The following DAB1 variants were observed in gnomAD, a reference collection of about 807,000 sequenced individuals.
DAB1 encodes disabled homolog 1.
In DAB1, 15 loss-of-function variants were observed where a neutral mutation model predicts 64.6. That is an observed-to-expected ratio of 0.23 (90% confidence interval 0.16 to 0.36). The LOEUF is 0.36. Among genes scored for constraint, DAB1 ranks in the 10% least tolerant of loss-of-function variants. The probability of loss-of-function intolerance (pLI) is 1.00; values close to 1 mark genes in which losing one functional copy is unlikely to be tolerated. For synonymous variants in DAB1, 235 were observed against 251.9 expected (o/e 0.93, Z 0.64); for missense variants, 596 against 706.7 (o/e 0.84, Z 1.78).
intron 5 of DAB1, among the ~76,000 whole-genome samples, chr1:58,046,338 G>T (rs1647254193): frequency 6.6e-6 from 1 of 152,166 alleles, no homozygotes; most frequent in Non-Finnish European, 1.5e-5. Flanking sequence ...TGAGGCAAAG[G>T]ACATCACGGC....
chr1:58,127,955 T>G (rs1653244031), intron 5 of DAB1, among the ~76,000 whole-genome samples: 1 of 152,124 alleles, frequency 6.6e-6, no homozygotes, highest in Admixed American at 6.5e-5. Flanking sequence ...CTTTTTTGGT[T>G]CCATATGAAC....
chr1:57,897,411 GA>G (rs148681366), intron 5 of DAB1, among the ~76,000 whole-genome samples: 3 of 151,182 alleles, frequency 2.0e-5, no homozygotes, highest in Non-Finnish European at 3.0e-5. Flanking sequence ...TTTCATTGTG[GA>G]AAAAAAAATC....
chr1:58,307,008 C>T (rs1281463308), intron 4 of DAB1, among the ~76,000 whole-genome samples: 1 of 152,216 alleles, frequency 6.6e-6, no homozygotes, highest in African/African-American at 2.4e-5. Flanking sequence ...ACTCCAATGA[C>T]TTTCCCAAGG....
intron 4 of DAB1, among the ~76,000 whole-genome samples, chr1:58,264,614 GACATCAAGC>G (rs1661120719): frequency 6.6e-6 from 1 of 152,182 alleles, no homozygotes; most frequent in South Asian, 2.1e-4. Flanking sequence ...GACTTCCAAG[GACATCAAGC>G]TTGCCTACAT....
chr1:57,105,599 T>G (rs1351119107), intron 4 of DAB1, among the ~76,000 whole-genome samples: 1 of 152,200 alleles, frequency 6.6e-6, no homozygotes, highest in Admixed American at 6.5e-5. Context: ...TCACACATTT[T>G]AATACCCCAC....
At chr1:58,516,551 T>C (rs1213109338) in intron 2 of DAB1, among the ~76,000 whole-genome samples, 1 of 152,110 alleles carries the variant, frequency 6.6e-6, no homozygotes, top group Non-Finnish European at 1.5e-5. Context: ...GCCTTCCAAA[T>C]GAAAAATTAA....
At chr1:58,248,074 G>A (rs1468625685) in intron 4 of DAB1, among the ~76,000 whole-genome samples, 2 of 151,250 alleles carry the variant, frequency 1.3e-5, no homozygotes, top group Admixed American at 6.6e-5. Context: ...GCAACTAGCT[G>A]AGTCCAAATT....
At chr1:57,439,440 T>TGTTTTTTTTTTTTTTTTGTTTTTTG (rs1344033508) in intron 7 of DAB1, among the ~76,000 whole-genome samples, 2 of 135,730 alleles carry the variant, frequency 1.5e-5, no homozygotes, top group East Asian at 4.5e-4. Flanking sequence ...TTTTTTTTTT[T>TGTTTTTTTTTTTTTTTTGTTTTTTG]TTTTTTTGAG....
chr1:57,805,074 T>A (rs936840818), intron 6 of DAB1, among the ~76,000 whole-genome samples: 8 of 152,192 alleles, frequency 5.3e-5, no homozygotes, highest in Non-Finnish European at 1.2e-4. Context: ...TACATGATGA[T>A]CCCTAAGGCA....
At chr1:57,595,704 C>A (rs193280021) in intron 7 of DAB1, among the ~76,000 whole-genome samples, 44 of 150,450 alleles carry the variant, frequency 2.9e-4, no homozygotes, top group African/African-American at 1.0e-3. Context: ...GTGATTTGAT[C>A]CCTGGTGTGG....
At chr1:57,452,079 T>C (rs934079186) in intron 7 of DAB1, among the ~76,000 whole-genome samples, 6 of 150,752 alleles carry the variant, frequency 4.0e-5, no homozygotes, top group African/African-American at 1.2e-4. Flanking sequence ...CAGCTGTCCA[T>C]AGGCCCCATG....
chr1:57,723,015 T>C (rs1198764455), intron 6 of DAB1, among the ~76,000 whole-genome samples: 2 of 152,186 alleles, frequency 1.3e-5, no homozygotes, highest in Non-Finnish European at 1.5e-5. Context: ...TTTCAATGGC[T>C]GTTCATGGCC....
At chr1:57,497,080 C>T (rs1398973412) in intron 7 of DAB1, among the ~76,000 whole-genome samples, 1 of 152,176 alleles carries the variant, frequency 6.6e-6, no homozygotes, top group Non-Finnish European at 1.5e-5. Flanking sequence ...CTTTCCATAT[C>T]AGCTTTCTCA....
intron 5 of DAB1, among the ~76,000 whole-genome samples, chr1:57,962,803 G>A (rs1310977208): frequency 6.6e-6 from 1 of 151,202 alleles, no homozygotes; most frequent in East Asian, 1.9e-4. Flanking sequence ...AGCCTGAAAG[G>A]TTAAGGCTGC....
At chr1:57,997,168 C>T (rs977443842) in intron 5 of DAB1, among the ~76,000 whole-genome samples, 2 of 152,144 alleles carry the variant, frequency 1.3e-5, no homozygotes, top group Admixed American at 1.3e-4. Flanking sequence ...AGCATGTTCA[C>T]TAAGAGGTAA....
intron 2 of DAB1, among the ~76,000 whole-genome samples, chr1:57,154,705 GT>G (rs1660044736): frequency 6.6e-6 from 1 of 152,152 alleles, no homozygotes. Context: ...GTCAGCATTT[GT>G]TATTACCTGT....
intron 1 of DAB1, among the ~76,000 whole-genome samples, chr1:57,394,633 T>G (rs575560655): frequency 7.2e-5 from 11 of 152,196 alleles, no homozygotes; most frequent in African/African-American, 2.7e-4. Context: ...GAGCAGTATG[T>G]TCTAAAACAG....
intron 3 of DAB1, among the ~76,000 whole-genome samples, chr1:58,500,219 G>A (rs1008960689): frequency 5.9e-5 from 9 of 151,964 alleles, no homozygotes; most frequent in African/African-American, 1.7e-4. Flanking sequence ...CAATGTTACT[G>A]TCAGGCTTCC....
At chr1:57,618,712 T>C (rs1645819315) in intron 7 of DAB1, among the ~76,000 whole-genome samples, 1 of 150,282 alleles carries the variant, frequency 6.7e-6, no homozygotes, top group Non-Finnish European at 1.5e-5. Flanking sequence ...TTAAGAATAT[T>C]AACAGCTATT....
Sources: allele counts gnomAD v4.1 joint callset (sites outside exome capture counted in the v4.1 genomes callset), GRCh38; gene constraint gnomAD v4.1.1; transcripts MANE v1.5; gene names NCBI Gene and HGNC (gene_info 2026-07-23, HGNC 2026-07-21).